SIRPB1: variants seen among roughly 807,000 people sequenced by gnomAD.
SIRPB1 encodes the protein signal regulatory protein beta 1.
Under a neutral mutation model 34.1 loss-of-function variants are expected in SIRPB1, and 28 were observed. The ratio of observed to expected loss-of-function variants is 0.82; its 90% confidence interval spans 0.61 to 1.12. SIRPB1 has a LOEUF of 1.12. Among genes scored for constraint, SIRPB1 ranks in the 50% most tolerant of loss-of-function variants. The probability of loss-of-function intolerance (pLI) is 0.00; values close to 1 mark genes in which losing one functional copy is unlikely to be tolerated. For synonymous variants in SIRPB1, 211 were observed against 203.8 expected (o/e 1.04, Z -0.30); for missense variants, 499 against 507.0 (o/e 0.98, Z 0.15).
rs2091088367 is a variant in SIRPB1, at chr20:1,562,260, A to AATAC, written c.*3239_*3240insGTAT. ...AAGAAGAGAGAGTAGTCTTTAAAGA[A>AATAC]AGAGCTTGAGAATACAGCACACAAG... On this transcript the variant is annotated 3_prime_UTR_variant, in exon 6 of 6. Coordinates refer to ENST00000381605, the MANE Select transcript of SIRPB1 (RefSeq NM_006065.5). 7.2e-5 allele frequency among the ~76,000 whole-genome samples: 11 copies of AATAC among 152,326 alleles called. No individual in the cohort carries two copies. In the South Asian group the frequency reaches 2.1e-3, roughly 29 times the overall value.
In SIRPB1 at chr20:1,571,102, T is replaced by C; in HGVS notation, c.787A>G (p.Arg263Gly). ...PTLEVTQQPMRAENQANVTCQ... is the reference protein window; with the variant it reads ...PTLEVTQQPMGAENQANVTCQ... ...GTGACGTTTGCCTGGTTCTCTGCCC[T>C]CATGGGCTGTTGAGTAACCTCCAAG... Residue 263 changes from arginine to glycine, a missense_variant, in exon 4 of 6, where the codon AGG becomes GGG. Transcript: ENST00000381605. 2.5e-6 allele frequency: 4 copies of C among 1,613,970 alleles called. No homozygotes were observed. Among genetic ancestry groups the C allele is most frequent in the Non-Finnish European group, 3.4e-6 (4 of 1,179,876 alleles).
rs775590373 is a variant in SIRPB1, at chr20:1,564,145, T to G, written c.*1355A>C. 2 of 152,192 alleles carry G rather than the reference T, an allele frequency of 1.3e-5. No individual in the cohort carries two copies. The highest frequency in any genetic ancestry group is 2.9e-5 in the Non-Finnish European group (2 of 68,046). 9.4% of individuals were successfully genotyped at this position (152,192 alleles called of 1,614,324 possible). ...ACTGAGAGTGTGAGAGTTTCTAATA[T>G]TTTGACAAAAAATGGTAAAGGTCAC... On this transcript the variant is annotated 3_prime_UTR_variant, in exon 6 of 6. Coordinates refer to ENST00000381605, the MANE Select transcript of SIRPB1 (RefSeq NM_006065.5).
In SIRPB1 at chr20:1,564,809, A is replaced by G. The variant is rs1245691793; in HGVS notation, c.*691T>C. The G allele has an allele frequency of 2.5e-6, 1 of 398,036 alleles. No homozygotes were observed. The highest frequency in any genetic ancestry group is 1.3e-4 in the South Asian group (1 of 7,506). The allele number at this position is 398,036 out of a possible 1,614,324, so 24.7% of individuals were successfully genotyped here. A position where few individuals can be genotyped will look rare whatever the true frequency, so the allele number is the denominator to read the frequency against. Reference sequence around the variant, plus strand: ...CCTTTCAGAAAGTCCATTGTTAAACATTTACCATCTCATGTAAGTGGACAC... The same window carrying G: ...CCTTTCAGAAAGTCCATTGTTAAACGTTTACCATCTCATGTAAGTGGACAC... On this transcript the variant is annotated 3_prime_UTR_variant, in exon 6 of 6. Transcript: ENST00000381605.
At chr20:1,578,215 C>A in intron 2 of SIRPB1, 123 bp downstream of exon 2, 2 of 1,054,478 alleles carry the variant, frequency 1.9e-6, no homozygotes, top group East Asian at 4.7e-5. Context: ...AGGGTGACAT[C>A]AGTTCATGAA....
chr20:1,573,014 T>TA (rs1045268671), intron 2 of SIRPB1, among the ~76,000 whole-genome samples: 3 of 147,902 alleles, frequency 2.0e-5, no homozygotes, highest in Admixed American at 6.7e-5. Flanking sequence ...AAATCCCCTA[T>TA]AAAAAACCTG....
chr20:1,573,621 G>A (rs1434686718), intron 2 of SIRPB1, among the ~76,000 whole-genome samples: 1 of 143,302 alleles, frequency 7.0e-6, no homozygotes, highest in African/African-American at 2.5e-5. Context: ...AGGCTGAGAG[G>A]CTGTCTTCAG....
chr20:1,566,478 G>C (rs61741656), intron 4 of SIRPB1, among the ~76,000 whole-genome samples: 1 of 152,214 alleles, frequency 6.6e-6, no homozygotes, highest in Admixed American at 6.5e-5. Flanking sequence ...CAGGCTGCCA[G>C]TTTATCCTCC....
At position 1,563,370 on chromosome 20, in the gene SIRPB1, G is replaced by A. The variant is rs2091094942; in HGVS notation, c.*2130C>T. On this transcript the variant is annotated 3_prime_UTR_variant, in exon 6 of 6. Coordinates refer to ENST00000381605, the MANE Select transcript of SIRPB1 (RefSeq NM_006065.5). ...TAGCTGGGTGTGGTGGTACATGCCT[G>A]TAATCCCAGCTACTCAGGAGGCTGA... is the stretch of plus-strand genomic sequence containing the variant. 6.6e-6 allele frequency among the ~76,000 whole-genome samples: 1 copy of A among 152,122 alleles called. No individual in the cohort carries two copies. Among genetic ancestry groups the A allele is most frequent in the African/African-American group, 2.4e-5 (1 of 41,404 alleles).
At chr20:1,615,374 G>A (rs1472466601) in intron 1 of SIRPB1, among the ~76,000 whole-genome samples, 4 of 152,114 alleles carry the variant, frequency 2.6e-5, no homozygotes, top group Non-Finnish European at 4.4e-5. Context: ...CTGGCTTAGA[G>A]TCCAGATCTG....
rs1376252227 is a variant in SIRPB1, at chr20:1,571,887, G to T, written c.584C>A (p.Thr195Asn). Residue 195 changes from threonine (T) to asparagine (N), a missense_variant, in exon 3 of 6, where the codon ACC (threonine) becomes AAC (asparagine). Thr to Asn is a moderately conservative substitution (Grantham distance 65). Coordinates refer to ENST00000381605, the MANE Select transcript of SIRPB1 (RefSeq NM_006065.5). ...KNGNELSDFQ[T>N]NVDPAGDSVS... is the part of the protein sequence containing the mutation. Reference sequence around the variant, plus strand: ...ACTGTCTCCTGCGGGGTCCACGTTGGTCTGGAAGTCTGAGAGCTCATTCCC... The same window carrying T: ...ACTGTCTCCTGCGGGGTCCACGTTGTTCTGGAAGTCTGAGAGCTCATTCCC... The T allele has an allele frequency of 6.2e-7, 1 of 1,614,240 alleles. No individual in the cohort carries two copies. The highest frequency in any genetic ancestry group is 8.5e-7 in the Non-Finnish European group (1 of 1,180,038).
rs1315653942 is a variant in SIRPB1 at position 1,581,776 on chromosome 20, A to G, written c.77-3082T>C. ...TTGACTCATGACTTACTGATTTGCT[A>G]CTCTGATTGGCTCCACAATTTGAGA... is the stretch of plus-strand genomic sequence containing the variant. On this transcript the variant is annotated intron_variant, in intron 1 of 5. Coordinates refer to ENST00000381605, the MANE Select transcript of SIRPB1 (RefSeq NM_006065.5). 4.3e-5 allele frequency among the ~76,000 whole-genome samples: 2 copies of G among 46,894 alleles called. 1 individual carries two copies. The highest frequency in any genetic ancestry group is 8.1e-5 in the Non-Finnish European group (2 of 24,698). 30.8% of individuals were successfully genotyped at this position (46,894 alleles called of 152,430 possible).
chr20:1,577,089 A>C (rs2091322917), intron 2 of SIRPB1, among the ~76,000 whole-genome samples: 1 of 148,350 alleles, frequency 6.7e-6, no homozygotes, highest in Non-Finnish European at 1.5e-5. Flanking sequence ...ATGAAATGAC[A>C]GGGCTTACAT....
rs879926678 is a variant in SIRPB1, at chr20:1,561,668, A to G, written c.*3832T>C. 1.3e-5 allele frequency among the ~76,000 whole-genome samples: 2 copies of G among 152,212 alleles called. No individual in the cohort carries two copies. Among genetic ancestry groups the G allele is most frequent in the South Asian group, 4.1e-4 (2 of 4,832 alleles). ...AGTTTTGGGGGGAAGGTAATAGAGGAAAAGTGTCATCTTCATCACATCATA... is the reference window on the plus strand; with the variant it reads ...AGTTTTGGGGGGAAGGTAATAGAGGGAAAGTGTCATCTTCATCACATCATA... On this transcript the variant is annotated 3_prime_UTR_variant, in exon 6 of 6. Coordinates refer to ENST00000381605, the MANE Select transcript of SIRPB1 (RefSeq NM_006065.5).
Position 1,570,966 on chromosome 20 carries a change from G to C in SIRPB1, c.923C>G (p.Thr308Ser). ...ASTLIENKDG[T>S]YNWMSWLLVN... is the part of the protein sequence containing the mutation. ...CAGGAGCCAGCTCATCCAGTTGTAG[G>C]TGCCATCCTTGTTCTCTATGAGGGT... The change falls in exon 4 of 6, where the codon ACC becomes AGC. Residue 308 changes from threonine (T) to serine (S), a missense_variant. Thr to Ser is a moderately conservative substitution (Grantham distance 58, BLOSUM62 1). Transcript: ENST00000381605. 1 of 1,613,594 alleles carries C rather than the reference G, an allele frequency of 6.2e-7. No homozygotes were observed. The highest frequency in any genetic ancestry group is 8.5e-7 in the Non-Finnish European group (1 of 1,179,892).
In SIRPB1 at chr20:1,576,699, G is replaced by A. The variant is rs953770152; in HGVS notation, c.433+1639C>T. ...AGGCGGGTGGATCACCTGAGTTTGG[G>A]AGTTCGAGACCAGCCTGAACAACAT... is the stretch of plus-strand genomic sequence containing the variant. On this transcript the variant is annotated intron_variant, in intron 2 of 5. Coordinates refer to ENST00000381605, the MANE Select transcript of SIRPB1 (RefSeq NM_006065.5). 3.4e-5 allele frequency among the ~76,000 whole-genome samples: 5 copies of A among 148,558 alleles called. No homozygotes were observed. In the East Asian group the frequency reaches 9.7e-4, roughly 29 times the overall value.
rs150287990 is a variant in SIRPB1, at chr20:1,563,075, C to T, written c.*2425G>A. Among the ~76,000 whole-genome samples, 1 of 152,206 alleles carries T rather than the reference C, an allele frequency of 6.6e-6. No homozygotes were observed. The highest frequency in any genetic ancestry group is 1.9e-4 in the East Asian group (1 of 5,180). On this transcript the variant is annotated 3_prime_UTR_variant, in exon 6 of 6. Coordinates refer to ENST00000381605, the MANE Select transcript of SIRPB1 (RefSeq NM_006065.5). ...TGAAGATGTCCCAAAGGTTGAAATG[C>T]CAGCAAAAAACTTCACATGAAAGGA...
chr20:1,572,013 G>C lies in SIRPB1; in HGVS notation c.458C>G (p.Ser153Trp). The change falls in exon 3 of 6, where the codon TCG (serine) becomes TGG (tryptophan). Residue 153 changes from serine (S) to tryptophan (W), a missense_variant. Coordinates refer to ENST00000381605, the MANE Select transcript of SIRPB1 (RefSeq NM_006065.5). Reference protein sequence around the residue: ...VRAKPSAPVVSGPAVRATPEH... With the variant: ...VRAKPSAPVVWGPAVRATPEH... ...AGGTGTGGCCCTCACCGCAGGGCCCGATACCACGGGGGCAGAGGGTTTGGC... is the reference window on the plus strand; with the variant it reads ...AGGTGTGGCCCTCACCGCAGGGCCCCATACCACGGGGGCAGAGGGTTTGGC... 1 of 1,613,958 alleles carries C rather than the reference G, an allele frequency of 6.2e-7. No homozygotes were observed. The highest frequency in any genetic ancestry group is 8.5e-7 in the Non-Finnish European group (1 of 1,179,932).
At chr20:1,565,561 A>G (rs2253815) in intron 5 of SIRPB1, 64 bp from the exon 6 acceptor site, 37,252 of 148,150 alleles carry the variant, frequency 0.25, 5,365 homozygotes, top group Non-Finnish European at 0.3. Context: ...TCATCTGCTC[A>G]TCATTTAAGA....
chr20:1,618,558 C>T (rs149761047), intron 1 of SIRPB1, among the ~76,000 whole-genome samples: 77 of 152,340 alleles, frequency 5.1e-4, no homozygotes, highest in African/African-American at 1.8e-3. Flanking sequence ...TTGTTAAACT[C>T]TTACTGCTGT....
Sources: allele counts gnomAD v4.1 joint callset (sites outside exome capture counted in the v4.1 genomes callset), GRCh38; gene constraint gnomAD v4.1.1; transcripts MANE v1.5; gene names NCBI Gene and HGNC (gene_info 2026-07-23, HGNC 2026-07-21).